Variants in HPSE2 observed in about 807,000 individuals in gnomAD.
HPSE2 encodes inactive heparanase-2.
A neutral mutation model predicts 60.5 loss-of-function variants in HPSE2; 38 were observed. That is an observed-to-expected ratio of 0.63 (90% confidence interval 0.48 to 0.82). The LOEUF (loss-of-function observed/expected upper bound fraction) is 0.82, where lower values mean the gene tolerates loss of function less well. HPSE2 is among the 40% of genes least tolerant of loss of function. The pLI is 0.00. For missense variants in HPSE2, 713 were observed against 740.4 expected, an observed-to-expected ratio of 0.96 and a Z score of 0.43; for synonymous variants, 295 against 293.2, an observed-to-expected ratio of 1.01 and a Z score of -0.06.
At chr10:98,583,487 G>A (rs1406705755) in intron 9 of HPSE2, among the ~76,000 whole-genome samples, 1 of 152,196 alleles carries the variant, frequency 6.6e-6, no homozygotes, top group Non-Finnish European at 1.5e-5. Context: ...TAAAATACAA[G>A]TTTTACCTAG....
At chr10:99,132,184 A>G (rs1845429925) in intron 3 of HPSE2, among the ~76,000 whole-genome samples, 1 of 12,326 alleles carries the variant, frequency 8.1e-5, no homozygotes, top group Non-Finnish European at 2.9e-4. Flanking sequence ...AAAGAAAGAA[A>G]GAAAGAAAGA....
intron 9 of HPSE2, among the ~76,000 whole-genome samples, chr10:98,519,282 G>C (rs924474168): frequency 6.6e-6 from 1 of 152,198 alleles, no homozygotes. Context: ...ACCTTGAAGA[G>C]CTCATAGTTT....
At chr10:98,744,793 G>A (rs1246793651) in intron 3 of HPSE2, among the ~76,000 whole-genome samples, 2 of 152,180 alleles carry the variant, frequency 1.3e-5, no homozygotes, top group Non-Finnish European at 2.9e-5. Context: ...GGCCAGGAAG[G>A]ATAACTGGCT....
intron 3 of HPSE2, among the ~76,000 whole-genome samples, chr10:99,038,145 C>G (rs564008134): frequency 3.5e-4 from 54 of 152,224 alleles, no homozygotes; most frequent in African/African-American, 1.3e-3. Flanking sequence ...TATACACTCA[C>G]CATACCACCC....
At position 98,809,952 on chromosome 10, in the gene HPSE2, G is replaced by A. The variant is rs146265308; in HGVS notation, c.611-65896C>T. Among the ~76,000 whole-genome samples the A allele has an allele frequency of 3.7e-4, 57 of 152,096 alleles. 1 individual carries two copies. The highest frequency in any genetic ancestry group is 3.4e-3 in the Middle Eastern group (1 of 294). On this transcript the variant is annotated intron_variant, in intron 3 of 11. Coordinates refer to ENST00000370552, the MANE Select transcript of HPSE2 (RefSeq NM_021828.5). ...TCCCATTACGGGCAAAACAGATGGC[G>A]GAAAACCATAGAAGATTTTCTTGCC...
intron 2 of HPSE2, among the ~76,000 whole-genome samples, chr10:99,230,964 C>T (rs1849624927): frequency 6.6e-6 from 1 of 152,212 alleles, no homozygotes. Context: ...TTTTACCTTT[C>T]AGCATTTATG....
intron 9 of HPSE2, among the ~76,000 whole-genome samples, chr10:98,613,442 G>T (rs1336831439): frequency 6.6e-6 from 1 of 152,106 alleles, no homozygotes; most frequent in Non-Finnish European, 1.5e-5. Context: ...TGATTTAATT[G>T]TACTTTTGGA....
chr10:99,313,591 AAT>A, the HPSE2 span, among the ~76,000 whole-genome samples: 61 of 66,016 alleles, frequency 9.2e-4, no homozygotes, highest in African/African-American at 3.7e-3. Context: ...GACTGACTCC[AAT>A]TTTTTTTTTT....
At chr10:98,605,410 T>C (rs1313416409) in intron 9 of HPSE2, among the ~76,000 whole-genome samples, 3 of 152,186 alleles carry the variant, frequency 2.0e-5, no homozygotes, top group African/African-American at 7.2e-5. Flanking sequence ...CAGTGCTTTG[T>C]TTTAGTGTAT....
intron 3 of HPSE2, among the ~76,000 whole-genome samples, chr10:98,793,647 G>A (rs1950708541): frequency 6.6e-6 from 1 of 152,202 alleles, no homozygotes; most frequent in Admixed American, 6.5e-5. Flanking sequence ...ATGAAGATAA[G>A]AAAACAGGTT....
intron 9 of HPSE2, among the ~76,000 whole-genome samples, chr10:98,538,120 G>A (rs139932882): frequency 7.4e-4 from 113 of 152,224 alleles, no homozygotes; most frequent in African/African-American, 2.5e-3. Context: ...CCCTTGTCTT[G>A]TATGCAATAA....
intron 3 of HPSE2, among the ~76,000 whole-genome samples, chr10:98,745,020 G>C (rs1949594153): frequency 6.6e-6 from 1 of 152,130 alleles, no homozygotes; most frequent in Non-Finnish European, 1.5e-5. Flanking sequence ...GGCTAACACG[G>C]TGAAACCCCG....
Position 98,744,001 on chromosome 10 carries a change from T to C in HPSE2, c.666A>G (p.Ile222Met), listed in dbSNP as rs1949565459. The C allele has an allele frequency of 2.5e-6, 4 of 1,613,992 alleles. No individual in the cohort carries two copies. The highest frequency in any genetic ancestry group is 1.7e-5 in the Admixed American group (1 of 60,000). ...TACGACGCAGTGCATTTAGAGCAAATATCAGGTGGAGTCCAGAGCAATCAG... is the reference window on the plus strand; with the variant it reads ...TACGACGCAGTGCATTTAGAGCAAACATCAGGTGGAGTCCAGAGCAATCAG... ...NFADCSGLHL[I>M]FALNALRRNP... Residue 222 changes from isoleucine (I) to methionine (M), a missense_variant, in exon 4 of 12, where the codon ATA becomes ATG. Transcript: ENST00000370552.
chr10:99,102,276 G>A (rs1416863016), intron 3 of HPSE2, among the ~76,000 whole-genome samples: 6 of 151,968 alleles, frequency 3.9e-5, no homozygotes, highest in South Asian at 2.1e-4. Flanking sequence ...TCAAATAGAT[G>A]CAATAAAAAA....
the HPSE2 span, among the ~76,000 whole-genome samples, chr10:99,240,991 T>C: frequency 6.6e-6 from 1 of 152,198 alleles, no homozygotes; most frequent in Non-Finnish European, 1.5e-5. Flanking sequence ...TGATGACTAA[T>C]ATTTATTGAG....
intron 3 of HPSE2, among the ~76,000 whole-genome samples, chr10:98,763,250 A>C (rs2134393798): frequency 6.6e-6 from 1 of 152,182 alleles, no homozygotes; most frequent in African/African-American, 2.4e-5. Context: ...TGAGAAAAGA[A>C]AGACATTACT....
intron 3 of HPSE2, among the ~76,000 whole-genome samples, chr10:98,819,427 T>TTC (rs1951369776): frequency 6.6e-6 from 1 of 151,288 alleles, no homozygotes; most frequent in Admixed American, 6.6e-5. Context: ...CATTCTTTTT[T>TTC]TTTTTTTTTT....
chr10:99,173,943 CAAAAAAAAAAA>C (rs61074165), intron 2 of HPSE2, among the ~76,000 whole-genome samples: 63,127 of 99,842 alleles, frequency 0.63, 17,084 homozygotes, highest in Non-Finnish European at 0.69. Flanking sequence ...GACTCTGTCT[CAAAAAAAAAAA>C]AAAAAAAAAA....
chr10:99,305,948 C>CA, the HPSE2 span, among the ~76,000 whole-genome samples: 1 of 135,882 alleles, frequency 7.4e-6, no homozygotes. Context: ...AGAAAATATC[C>CA]AAACTCACAC....
Sources: allele counts gnomAD v4.1 joint callset (sites outside exome capture counted in the v4.1 genomes callset), GRCh38; gene constraint gnomAD v4.1.1; transcripts MANE v1.5; gene names NCBI Gene and HGNC (gene_info 2026-07-23, HGNC 2026-07-21).